The following LMO3 variants were observed in gnomAD, a reference collection of about 807,000 sequenced individuals.
The protein encoded by LMO3 is LIM domain only protein 3.
A neutral mutation model predicts 15.8 loss-of-function variants in LMO3; 2 were observed. That is an observed-to-expected ratio of 0.13 (90% CI 0.05 to 0.40). LMO3 has a LOEUF of 0.40. Among genes scored for constraint, LMO3 ranks in the 10% least tolerant of loss-of-function variants. The pLI, the probability that LMO3 is intolerant of heterozygous loss-of-function variation, is 0.99. For missense variants in LMO3, 86 were observed against 182.2 expected, an observed-to-expected ratio of 0.47 and a Z score of 3.04; for synonymous variants, 62 against 63.8, an observed-to-expected ratio of 0.97 and a Z score of 0.13.
intron 2 of LMO3, among the ~76,000 whole-genome samples, chr12:16,583,651 G>A (rs1465095291): frequency 6.6e-6 from 1 of 152,162 alleles, no homozygotes; most frequent in Non-Finnish European, 1.5e-5. Flanking sequence ...AAAAACATCA[G>A]GGAATATCAA....
At position 16,587,734 on chromosome 12, in the gene LMO3, G is replaced by C. The variant is rs1283839381; in HGVS notation, c.206+12921C>G. Among the ~76,000 whole-genome samples, 1 of 151,620 alleles carries C rather than the reference G, an allele frequency of 6.6e-6. No individual in the cohort carries two copies. Among genetic ancestry groups the C allele is most frequent in the Non-Finnish European group, 1.5e-5 (1 of 67,736 alleles). On this transcript the variant is annotated intron_variant, in intron 2 of 3. Coordinates refer to ENST00000537304, the MANE Select transcript of LMO3 (RefSeq NM_018640.5). This position sits in a 1 kb window ranked among gnomAD's most constrained non-coding sequence, Gnocchi z 4.3. ...CAAACAATGATATGTATTACATGCA[G>C]TAAACACTGCCTTTGGTACACAGGG... is the stretch of plus-strand genomic sequence containing the variant.
In LMO3 at chr12:16,585,147, T is replaced by G. The variant is rs1211720697; in HGVS notation, c.206+15508A>C. ...ATGGCTTCCCCCTTTGGGTGGCGCATGCAAGCCCCAGTTCACAACGTTATT... is the reference window on the plus strand; with the variant it reads ...ATGGCTTCCCCCTTTGGGTGGCGCAGGCAAGCCCCAGTTCACAACGTTATT... On this transcript the variant is annotated intron_variant, in intron 2 of 3. Coordinates refer to ENST00000537304, the MANE Select transcript of LMO3 (RefSeq NM_018640.5). This position sits in a 1 kb window ranked among gnomAD's most constrained non-coding sequence, Gnocchi z 4.7. Among the ~76,000 whole-genome samples the G allele has an allele frequency of 2.0e-5, 3 of 152,308 alleles. No homozygotes were observed. Among genetic ancestry groups the G allele is most frequent in the Non-Finnish European group, 2.9e-5 (2 of 68,034 alleles).
chr12:16,556,325 C>T (rs994295083), intron 3 of LMO3, among the ~76,000 whole-genome samples: 2 of 152,110 alleles, frequency 1.3e-5, no homozygotes, highest in South Asian at 4.1e-4. Flanking sequence ...AAATAACCCT[C>T]CTGCGGTACC....
chr12:16,605,701 G>T (rs1353718513), intron 1 of LMO3: 1 of 1,407,504 alleles, frequency 7.1e-7, no homozygotes, highest in Non-Finnish European at 9.7e-7. Flanking sequence ...CTCTCTCCCC[G>T]GGAGTCAGGG....
At chr12:16,572,412 GTATC>G (rs1942847922) in intron 2 of LMO3, among the ~76,000 whole-genome samples, 1 of 103,642 alleles carries the variant, frequency 9.6e-6, no homozygotes, top group African/African-American at 3.7e-5. Context: ...TTTAGAATGT[GTATC>G]TATCTTCTTT....
In LMO3 at chr12:16,604,805, T is replaced by C; in HGVS notation, c.-9+1261A>G. On this transcript the variant is annotated intron_variant, in intron 1 of 3. Coordinates refer to ENST00000537304, the MANE Select transcript of LMO3 (RefSeq NM_018640.5). This position sits in a 1 kb window ranked among gnomAD's most constrained non-coding sequence, Gnocchi z 5.3. ...AAGCAGCGGAAAAGCAGAAAGGCTTTTGAGCGGCCAGGAGTGCAGAGCGCC... is the reference window on the plus strand; with the variant it reads ...AAGCAGCGGAAAAGCAGAAAGGCTTCTGAGCGGCCAGGAGTGCAGAGCGCC... The C allele has an allele frequency of 3.8e-6, 6 of 1,564,840 alleles. No homozygotes were observed. The highest frequency in any genetic ancestry group is 1.1e-5 in the South Asian group (1 of 89,716).
intron 2 of LMO3, among the ~76,000 whole-genome samples, chr12:16,595,283 A>G (rs1439753990): frequency 1.3e-5 from 2 of 151,542 alleles, no homozygotes; most frequent in Non-Finnish European, 3.0e-5. Flanking sequence ...CAAAAGTAAA[A>G]TAATTATATT....
In LMO3 at chr12:16,549,284, G is replaced by A. The variant is rs555772536; in HGVS notation, c.*1938C>T. 3 of 152,062 alleles carry A rather than the reference G, an allele frequency of 2.0e-5. No individual in the cohort carries two copies. Among genetic ancestry groups the A allele is most frequent in the Admixed American group, 6.6e-5 (1 of 15,240 alleles). 9.4% of individuals were successfully genotyped at this position (152,062 alleles called of 1,614,324 possible). ...GGCTAAAATAATAGTTATTTTTGTG[G>A]GCCCCAAATAGCTACTTTTGAATTT... is the stretch of plus-strand genomic sequence containing the variant. On this transcript the variant is annotated 3_prime_UTR_variant, in exon 4 of 4. Coordinates refer to ENST00000537304, the MANE Select transcript of LMO3 (RefSeq NM_018640.5).
At chr12:16,557,390 G>GTAAT (rs532292784) in intron 3 of LMO3, among the ~76,000 whole-genome samples, 4 of 139,982 alleles carry the variant, frequency 2.9e-5, no homozygotes, top group Non-Finnish European at 6.1e-5. Flanking sequence ...TTTTTTAAAC[G>GTAAT]TAATTCCTAG....
At chr12:16,605,608 G>A in intron 1 of LMO3, 2 of 707,634 alleles carry the variant, frequency 2.8e-6, no homozygotes, top group East Asian at 2.8e-5. Context: ...GTAAGGGGGA[G>A]GGGTCCGGAA....
chr12:16,595,537 A>T (rs1943622213), intron 2 of LMO3, among the ~76,000 whole-genome samples: 1 of 151,474 alleles, frequency 6.6e-6, no homozygotes, highest in Non-Finnish European at 1.5e-5. Flanking sequence ...GTATTGGTTC[A>T]GGGTAGTATA....
chr12:16,565,371 C>T (rs1183279404), intron 2 of LMO3, among the ~76,000 whole-genome samples: 13 of 152,178 alleles, frequency 8.5e-5, no homozygotes, highest in Admixed American at 8.5e-4. Flanking sequence ...TTTACTTTTT[C>T]AACTAAGGAA....
chr12:16,549,181 A>G lies in LMO3; in HGVS notation c.*2041T>C, dbSNP rs1367267788. 1 of 152,072 alleles carries G rather than the reference A, an allele frequency of 6.6e-6. No homozygotes were observed. Among genetic ancestry groups the G allele is most frequent in the Non-Finnish European group, 1.5e-5 (1 of 67,992 alleles). 9.4% of individuals were successfully genotyped at this position (152,072 alleles called of 1,614,324 possible). ...CACTTTTCACTGATCTCTCCCCCAC[A>G]TATTTTTAATTTGTCTTGCTTTGTT... On this transcript the variant is annotated 3_prime_UTR_variant, in exon 4 of 4. Coordinates refer to ENST00000537304, the MANE Select transcript of LMO3 (RefSeq NM_018640.5).
At position 16,605,654 on chromosome 12, in the gene LMO3, G is replaced by A. The variant is rs1003717195; in HGVS notation, c.-9+412C>T. 8 of 1,065,642 alleles carry A rather than the reference G, an allele frequency of 7.5e-6. No homozygotes were observed. The African/African-American group carries it at 9.5e-5, about 13-fold the overall frequency. 66.0% of individuals were successfully genotyped at this position (1,065,642 alleles called of 1,614,324 possible). On this transcript the variant is annotated intron_variant, in intron 1 of 3. Transcript: ENST00000537304. ...GACTGAATTCTTTTCCTATGGGCTG[G>A]GAGCAAACACTTCCTAATTCCAAAC...
chr12:16,565,165 C>T (rs1230039909), intron 2 of LMO3, among the ~76,000 whole-genome samples: 1 of 152,094 alleles, frequency 6.6e-6, no homozygotes, highest in Non-Finnish European at 1.5e-5. Flanking sequence ...AGAATAACTA[C>T]AGATGAACAG....
chr12:16,585,956 G>A lies in LMO3; in HGVS notation c.206+14699C>T, dbSNP rs1023442180. Among the ~76,000 whole-genome samples, 4 of 152,182 alleles carry A rather than the reference G, an allele frequency of 2.6e-5. No homozygotes were observed. The highest frequency in any genetic ancestry group is 2.0e-4 in the Admixed American group (3 of 15,280). On this transcript the variant is annotated intron_variant, in intron 2 of 3. Transcript: ENST00000537304. The surrounding 1 kb of genome is among the most constrained non-coding windows in gnomAD (Gnocchi z 4.7). ...CTGGGCGACATTTCACCAGTGAGGC[G>A]GTAGGACATTGTGTGATACAGTAAA... is the stretch of plus-strand genomic sequence containing the variant.
intron 1 of LMO3, among the ~76,000 whole-genome samples, chr12:16,602,707 A>G (rs576829884): frequency 6.6e-6 from 1 of 152,320 alleles, no homozygotes; most frequent in South Asian, 2.1e-4. Flanking sequence ...TAACAAATGA[A>G]GTTTCTTTGA....
chr12:16,573,057 T>C (rs1032427780), intron 2 of LMO3, among the ~76,000 whole-genome samples: 38 of 151,926 alleles, frequency 2.5e-4, no homozygotes, highest in Non-Finnish European at 4.7e-4. Context: ...TCCAGATACA[T>C]CTTATAAAAG....
At chr12:16,566,843 C>T (rs954924400) in intron 2 of LMO3, among the ~76,000 whole-genome samples, 4 of 152,130 alleles carry the variant, frequency 2.6e-5, no homozygotes, top group East Asian at 3.8e-4. Flanking sequence ...GCAGATACTA[C>T]ACTGAATGAA....
Sources: allele counts gnomAD v4.1 joint callset (sites outside exome capture counted in the v4.1 genomes callset), GRCh38; gene constraint gnomAD v4.1.1; non-coding constraint Gnocchi (gnomAD v3.1); transcripts MANE v1.5; gene names NCBI Gene and HGNC (gene_info 2026-07-23, HGNC 2026-07-21).